MRPS35: variants seen among roughly 807,000 people sequenced by gnomAD.
The protein encoded by MRPS35 is mitochondrial ribosomal protein S35.
Under a neutral mutation model 32.7 loss-of-function variants are expected in MRPS35, and 29 were observed. The ratio of observed to expected loss-of-function variants is 0.89; its 90% confidence interval spans 0.66 to 1.21. The LOEUF is 1.21. Ranked by LOEUF, MRPS35 falls within the 50% of genes most tolerant of loss-of-function variation. The probability of loss-of-function intolerance (pLI) is 0.00; values close to 1 mark genes in which losing one functional copy is unlikely to be tolerated. For missense variants in MRPS35, 373 were observed against 383.8 expected, an observed-to-expected ratio of 0.97 and a Z score of 0.23; for synonymous variants, 148 against 139.3, an observed-to-expected ratio of 1.06 and a Z score of -0.44.
intron 5 of MRPS35, among the ~76,000 whole-genome samples, chr12:27,734,935 C>G (rs2061937175): frequency 6.6e-6 from 1 of 152,128 alleles, no homozygotes; most frequent in Non-Finnish European, 1.5e-5. Flanking sequence ...TGTTTTGATC[C>G]TTCCCTGATG....
At chr12:27,723,910 A>C in intron 4 of MRPS35, 137 bp from the exon 5 acceptor site, 1 of 757,390 alleles carries the variant, frequency 1.3e-6, no homozygotes, top group Non-Finnish European at 2.0e-6. Context: ...GATGCTATAT[A>C]TGTAAAGTGC....
chr12:27,719,659 C>T (rs758706443), intron 3 of MRPS35, 149 bp from the exon 4 acceptor site: 15 of 520,982 alleles, frequency 2.9e-5, no homozygotes, highest in South Asian at 6.3e-5. Context: ...GGCGACAGAG[C>T]GAGACTCTGT....
At chr12:27,719,909 G>T in intron 4 of MRPS35, 41 bp downstream of exon 4, 1 of 1,379,944 alleles carries the variant, frequency 7.2e-7, no homozygotes. Flanking sequence ...TATTGACTTT[G>T]AACATAAATT....
At chr12:27,751,102 CAA>C (rs71438703) in intron 7 of MRPS35, among the ~76,000 whole-genome samples, 6 of 38,134 alleles carry the variant, frequency 1.6e-4, no homozygotes, top group African/African-American at 2.3e-4. Context: ...GACTCCATCT[CAA>C]AAAAAAAAAA....
chr12:27,743,855 C>G (rs775650087), intron 7 of MRPS35, among the ~76,000 whole-genome samples: 2 of 152,164 alleles, frequency 1.3e-5, no homozygotes, highest in Non-Finnish European at 2.9e-5. Context: ...TGTCGTCTTA[C>G]TGTGTCCTCA....
intron 7 of MRPS35, among the ~76,000 whole-genome samples, chr12:27,738,112 G>A (rs2061949517): frequency 6.6e-6 from 1 of 152,100 alleles, no homozygotes; most frequent in Non-Finnish European, 1.5e-5. Flanking sequence ...TTTCCAAAAT[G>A]CTTGGGACCA....
chr12:27,753,502 C>G (rs2062014435), intron 7 of MRPS35, among the ~76,000 whole-genome samples: 3 of 152,100 alleles, frequency 2.0e-5, no homozygotes, highest in Admixed American at 6.6e-5. Context: ...ACCTTACCTG[C>G]TTCTTGGTGC....
At chr12:27,741,443 C>G (rs890188645) in intron 7 of MRPS35, among the ~76,000 whole-genome samples, 14 of 151,956 alleles carry the variant, frequency 9.2e-5, no homozygotes, top group African/African-American at 2.7e-4. Flanking sequence ...CCATAAGCAT[C>G]TATAAATAAT....
intron 5 of MRPS35, chr12:27,725,759 C>A (rs550389253): frequency 7.2e-6 from 1 of 139,080 alleles, no homozygotes; most frequent in African/African-American, 2.7e-5. Flanking sequence ...TATTTTTTGT[C>A]ATTTGCTCAT....
chr12:27,748,737 C>G (rs1179009049), intron 7 of MRPS35, among the ~76,000 whole-genome samples: 2 of 151,906 alleles, frequency 1.3e-5, no homozygotes, highest in Non-Finnish European at 2.9e-5. Flanking sequence ...GTGGTGTAAT[C>G]TCGGCTCACA....
intron 5 of MRPS35, among the ~76,000 whole-genome samples, chr12:27,727,047 G>A (rs1316594075): frequency 7.1e-6 from 1 of 141,670 alleles, no homozygotes; most frequent in Non-Finnish European, 1.5e-5. Flanking sequence ...TGCAAGCTCC[G>A]CCTCCTGGGT....
chr12:27,753,246 C>T (rs2062013189), intron 7 of MRPS35, among the ~76,000 whole-genome samples: 1 of 152,174 alleles, frequency 6.6e-6, no homozygotes, highest in South Asian at 2.1e-4. Context: ...CTGCATCTTA[C>T]TGGTTTCCCT....
At chr12:27,742,829 G>T (rs1205715913) in intron 7 of MRPS35, among the ~76,000 whole-genome samples, 1 of 152,110 alleles carries the variant, frequency 6.6e-6, no homozygotes, top group African/African-American at 2.4e-5. Flanking sequence ...GGGGGCTTGT[G>T]TGTGTGTGTT....
intron 5 of MRPS35, among the ~76,000 whole-genome samples, chr12:27,731,870 G>C (rs1425407999): frequency 1.3e-5 from 2 of 152,134 alleles, no homozygotes; most frequent in Non-Finnish European, 2.9e-5. Flanking sequence ...CACCTGGCCT[G>C]TGCCATCTTT....
rs1565468109 is a variant in MRPS35, at chr12:27,733,028, A to ATC, written c.523-2418_523-2417insCT. 1.7e-4 allele frequency among the ~76,000 whole-genome samples: 21 copies of ATC among 124,800 alleles called. No individual in the cohort carries two copies. In the East Asian group the frequency reaches 3.0e-3, roughly 18 times the overall value. 81.9% of individuals were successfully genotyped at this position (124,800 alleles called of 152,430 possible). On this transcript the variant is annotated intron_variant, in intron 5 of 7. Coordinates refer to ENST00000081029, the MANE Select transcript of MRPS35 (RefSeq NM_021821.4). ...TATATATATATATATATATATATAT[A>ATC]TATATATATATATCCAGCACCTCCT...
At chr12:27,721,186 A>T (rs1438792520) in intron 4 of MRPS35, among the ~76,000 whole-genome samples, 1 of 152,226 alleles carries the variant, frequency 6.6e-6, no homozygotes, top group Admixed American at 6.5e-5. Flanking sequence ...GGAAGACTAT[A>T]TAAAGAGGTC....
At chr12:27,727,772 A>G (rs1190336044) in intron 5 of MRPS35, among the ~76,000 whole-genome samples, 1 of 152,050 alleles carries the variant, frequency 6.6e-6, no homozygotes, top group Non-Finnish European at 1.5e-5. Flanking sequence ...TTGTTTGTTA[A>G]TTATCATACA....
intron 6 of MRPS35, 126 bp downstream of exon 6, chr12:27,735,682 A>G (rs1405975066): frequency 5.8e-6 from 4 of 683,886 alleles, no homozygotes; most frequent in Non-Finnish European, 1.0e-5. Flanking sequence ...CTTATTAAGC[A>G]GAGTTCTCTA....
intron 5 of MRPS35, among the ~76,000 whole-genome samples, chr12:27,726,591 G>A (rs2061901605): frequency 6.6e-6 from 1 of 152,082 alleles, no homozygotes; most frequent in Non-Finnish European, 1.5e-5. Context: ...CAATTTCAAA[G>A]TGGCTTCACT....
Sources: gnomAD v4.1 joint callset for allele counts (sites outside exome capture counted in the v4.1 genomes callset) on GRCh38, gnomAD v4.1.1 for gene constraint, MANE v1.5 for transcripts, NCBI Gene and HGNC (gene_info 2026-07-23, HGNC 2026-07-21) for gene names.